The following NCLN variants were observed in gnomAD, a reference collection of about 807,000 sequenced individuals.
The protein encoded by NCLN is nicalin.
Under a neutral mutation model 69.5 loss-of-function variants are expected in NCLN, and 34 were observed. The ratio of observed to expected loss-of-function variants is 0.49; its 90% CI spans 0.37 to 0.65. The LOEUF (loss-of-function observed/expected upper bound fraction) is 0.65. NCLN is among the 30% of genes least tolerant of loss of function. The pLI, the probability that NCLN is intolerant of heterozygous loss-of-function variation, is 0.00. For synonymous variants in NCLN, 393 were observed against 358.3 expected, an observed-to-expected ratio of 1.10 and a Z score of -1.09; for missense variants, 710 against 804.8, an observed-to-expected ratio of 0.88 and a Z score of 1.42.
chr19:3,186,231 C>G lies in NCLN; in HGVS notation c.184+17C>G. On this transcript the variant is annotated intron_variant, in intron 1 of 14. Transcript: ENST00000246117. ...AGCCCTACGGTGCGTGTCCCCGGCC[C>G]ACCCTCGGGGCTCCCCGGGCTCCCC... The G allele has an allele frequency of 6.8e-7, 1 of 1,480,704 alleles. No homozygotes were observed. Among genetic ancestry groups the G allele is most frequent in the East Asian group, 2.9e-5 (1 of 35,004 alleles). The allele number at this position is 1,480,704 out of a possible 1,614,324, so 91.7% of individuals were successfully genotyped here.
At chr19:3,186,484 A>G (rs1037882972) in intron 1 of NCLN, among the ~76,000 whole-genome samples, 1 of 152,174 alleles carries the variant, frequency 6.6e-6, no homozygotes, top group East Asian at 2.0e-4. Context: ...GGCCGGGCCA[A>G]GCGTCCCGCG....
At position 3,196,256 on chromosome 19, in the gene NCLN, C is replaced by G; in HGVS notation, c.594C>G (p.Asp198Glu). Residue 198 changes from aspartate (D) to glutamate (E), a missense_variant, in exon 4 of 15, where the codon GAC becomes GAG. Transcript: ENST00000246117. ...TSGVQSKAVSDWLIASVEGRL... is the reference protein window; with the variant it reads ...TSGVQSKAVSEWLIASVEGRL... Reference sequence around the variant, plus strand: ...GGGTACAGAGCAAGGCCGTGAGTGACTGGCTGATTGCCAGCGTGGAGGTGA... The same window carrying G: ...GGGTACAGAGCAAGGCCGTGAGTGAGTGGCTGATTGCCAGCGTGGAGGTGA... The G allele has an allele frequency of 6.4e-7, 1 of 1,551,338 alleles. No homozygotes were observed. Among genetic ancestry groups the G allele is most frequent in the Non-Finnish European group, 8.7e-7 (1 of 1,146,384 alleles).
chr19:3,203,984 C>T (rs374907544), intron 7 of NCLN, 21 bp from the exon 8 acceptor site: 4 of 1,552,644 alleles, frequency 2.6e-6, no homozygotes, highest in Non-Finnish European at 3.5e-6. Flanking sequence ...ACCCACCCCG[C>T]CAGCTCTCGG....
chr19:3,194,443 C>A (rs1450315919), intron 3 of NCLN, among the ~76,000 whole-genome samples: 1 of 152,182 alleles, frequency 6.6e-6, no homozygotes, highest in Non-Finnish European at 1.5e-5. Flanking sequence ...GCAGAGTTGG[C>A]TAACACTGGC....
At position 3,185,987 on chromosome 19, in the gene NCLN, T is replaced by A. The variant is rs927117714; in HGVS notation, c.-44T>A. The A allele has an allele frequency of 7.0e-7, 1 of 1,427,180 alleles. No homozygotes were observed. Among genetic ancestry groups the A allele is most frequent in the Non-Finnish European group, 9.2e-7 (1 of 1,086,950 alleles). 88.4% of individuals were successfully genotyped at this position (1,427,180 alleles called of 1,614,324 possible). A position where few individuals can be genotyped will look rare whatever the true frequency, so the allele number is the denominator to read the frequency against. On this transcript the variant is annotated 5_prime_UTR_variant, in exon 1 of 15. Coordinates refer to ENST00000246117, the MANE Select transcript of NCLN (RefSeq NM_020170.4). ...TCCGCGGGAGCCGCCGCCGCCGCCGTCCCGTCCCAGCTGCCGCCCCGCGCG... is the reference window on the plus strand; with the variant it reads ...TCCGCGGGAGCCGCCGCCGCCGCCGACCCGTCCCAGCTGCCGCCCCGCGCG...
intron 1 of NCLN, among the ~76,000 whole-genome samples, chr19:3,192,214 C>T (rs1915842810): frequency 6.6e-6 from 1 of 152,200 alleles, no homozygotes; most frequent in African/African-American, 2.4e-5. Flanking sequence ...AACAAAGATT[C>T]TCAGGAGGTC....
chr19:3,203,455 T>C (rs1028847191), intron 6 of NCLN, among the ~76,000 whole-genome samples: 5 of 152,180 alleles, frequency 3.3e-5, no homozygotes, highest in Admixed American at 2.0e-4. Flanking sequence ...GGGGTGGCCC[T>C]GCTGCCTGGA....
chr19:3,187,758 G>C (rs1031182709), intron 1 of NCLN, among the ~76,000 whole-genome samples: 3 of 152,178 alleles, frequency 2.0e-5, no homozygotes, highest in Non-Finnish European at 4.4e-5. Flanking sequence ...CAGTGTCCAG[G>C]GGAAGCGCCC....
In NCLN at chr19:3,192,643, C is replaced by G; in HGVS notation, c.358C>G (p.Pro120Ala). 1 of 1,564,418 alleles carries G rather than the reference C, an allele frequency of 6.4e-7. No individual in the cohort carries two copies. The highest frequency in any genetic ancestry group is 1.2e-5 in the South Asian group (1 of 86,370). ...IILPRAMAAVPQDVVRQFMEI... is the reference protein window; with the variant it reads ...IILPRAMAAVAQDVVRQFMEI... ...CCTGCCCAGGGCCATGGCCGCCGTGCCCCAGGACGTCGTCCGGGTGAGCGT... is the reference window on the plus strand; with the variant it reads ...CCTGCCCAGGGCCATGGCCGCCGTGGCCCAGGACGTCGTCCGGGTGAGCGT... The change falls in exon 2 of 15, where the codon CCC becomes GCC. Residue 120 changes from proline to alanine, a missense_variant. By Grantham distance (27) the Pro-to-Ala change is conservative. Coordinates refer to ENST00000246117, the MANE Select transcript of NCLN (RefSeq NM_020170.4).
intron 8 of NCLN, 92 bp downstream of exon 8, chr19:3,204,236 G>T: frequency 7.2e-7 from 1 of 1,396,078 alleles, no homozygotes; most frequent in South Asian, 1.5e-5. Flanking sequence ...TGTCCTTGCT[G>T]TCCGCCCCTC....
At chr19:3,194,713 T>C (rs1413246713) in intron 3 of NCLN, among the ~76,000 whole-genome samples, 1 of 151,956 alleles carries the variant, frequency 6.6e-6, no homozygotes, top group Admixed American at 6.6e-5. Flanking sequence ...CTAAGTATCC[T>C]GTTAGAGAAG....
intron 3 of NCLN, 134 bp downstream of exon 3, chr19:3,193,562 GGTTCCTGGGCCCCGT>G: frequency 9.0e-7 from 1 of 1,109,988 alleles, no homozygotes; most frequent in East Asian, 2.7e-5. Context: ...TAACAGTGGG[GGTTCCTGGGCCCCGT>G]GTGGACCTGC....
At chr19:3,207,362 C>T (rs761408565) in intron 13 of NCLN, 29 bp from the exon 14 acceptor site, 34 of 1,612,850 alleles carry the variant, frequency 2.1e-5, no homozygotes, top group East Asian at 4.5e-5. Flanking sequence ...GCACCATCCT[C>T]GACCTCAGGG....
chr19:3,196,429 C>T lies in NCLN; in HGVS notation c.615+152C>T, dbSNP rs376875761. On this transcript the variant is annotated intron_variant, in intron 4 of 14. Transcript: ENST00000246117. The stretch of plus-strand genomic sequence containing the variant: ...CCTGGCTGAAAACCTCCTGTGGCTC[C>T]GCTGGCAGCTGCAGGAACCCAAACT... 2.2e-5 allele frequency: 13 copies of T among 604,314 alleles called. No individual in the cohort carries two copies. In the South Asian group the frequency reaches 2.3e-4, roughly 10 times the overall value. 37.4% of individuals were successfully genotyped at this position (604,314 alleles called of 1,614,324 possible).
chr19:3,192,931 C>G (rs1915865737), intron 2 of NCLN, among the ~76,000 whole-genome samples: 1 of 152,292 alleles, frequency 6.6e-6, no homozygotes, highest in East Asian at 1.9e-4. Context: ...CAGGACGGCC[C>G]CGCCCCAGAC....
chr19:3,203,968 G>T (rs1916191790), intron 7 of NCLN, 37 bp from the exon 8 acceptor site: 1 of 1,545,226 alleles, frequency 6.5e-7, no homozygotes, highest in South Asian at 1.2e-5. Context: ...CCACTTCCTG[G>T]TCCCCACCCA....
At chr19:3,192,241 C>T (rs141352305) in intron 1 of NCLN, among the ~76,000 whole-genome samples, 1,604 of 152,304 alleles carry the variant, frequency 0.011, 20 homozygotes, top group Admixed American at 0.014. Context: ...CCAGGGTTCG[C>T]GTGGCACTGA....
chr19:3,207,885 C>T lies in NCLN; in HGVS notation c.*197C>T. Reference sequence around the variant, plus strand: ...CTGGGGGGGGATTGTTTCTTCTTTTCCTTGTCTTTGAACTTCCTTGGAGGA... The same window carrying T: ...CTGGGGGGGGATTGTTTCTTCTTTTTCTTGTCTTTGAACTTCCTTGGAGGA... On this transcript the variant is annotated 3_prime_UTR_variant, in exon 15 of 15. Transcript: ENST00000246117. The T allele has an allele frequency of 1.7e-6, 1 of 583,832 alleles. No individual in the cohort carries two copies. Among genetic ancestry groups the T allele is most frequent in the Non-Finnish European group, 3.1e-6 (1 of 326,636 alleles). The allele number at this position is 583,832 out of a possible 1,614,324, so 36.2% of individuals were successfully genotyped here. A position where few individuals can be genotyped will look rare whatever the true frequency, so the allele number is the denominator to read the frequency against.
Position 3,192,514 on chromosome 19 carries a change from G to A in NCLN, c.229G>A (p.Ala77Thr). ...VLNTEARTMA[A>T]EVLSRRCVLM... is the part of the protein sequence containing the mutation. ...GAACACGGAGGCGCGCACGATGGCG[G>A]CGGAGGTGCTGAGCCGCCGCTGCGT... Residue 77 changes from alanine to threonine, a missense_variant, in exon 2 of 15, where the codon GCG (alanine) becomes ACG (threonine). By Grantham distance (58) the Ala-to-Thr change is moderately conservative. Transcript: ENST00000246117. 1 of 1,608,220 alleles carries A rather than the reference G, an allele frequency of 6.2e-7. No individual in the cohort carries two copies. The highest frequency in any genetic ancestry group is 8.5e-7 in the Non-Finnish European group (1 of 1,178,236).
Sources: allele counts gnomAD v4.1 joint callset (sites outside exome capture counted in the v4.1 genomes callset), GRCh38; gene constraint gnomAD v4.1.1; transcripts MANE v1.5; gene names NCBI Gene and HGNC (gene_info 2026-07-23, HGNC 2026-07-21).